Variants in AHNAK2 observed in about 807,000 individuals in gnomAD.
AHNAK2 encodes AHNAK nucleoprotein 2.
A neutral mutation model predicts 30.7 loss-of-function variants in AHNAK2; 18 were observed. The observed-to-expected ratio is 0.59, with a 90% CI of 0.41 to 0.87. The LOEUF (loss-of-function observed/expected upper bound fraction) is 0.87, where lower values mean the gene tolerates loss of function less well. Among genes scored for constraint, AHNAK2 ranks in the 40% least tolerant of loss-of-function variants. The pLI is 0.00. For missense variants in AHNAK2, 8,604 were observed against 7,373.0 expected (o/e 1.17, Z -6.11); for synonymous variants, 3,590 against 3,073.8 (o/e 1.17, Z -5.56).
chr14:104,938,972 G>A lies in AHNAK2; in HGVS notation c.16479C>T (p.Pro5493=), dbSNP rs762970824. The change falls in exon 7 of 7, where the codon CCC becomes CCT. Residue 5493 remains proline, a synonymous_variant. Transcript: ENST00000333244. ...GCACAATCTGAGTGGAAAAAGTCCT[G>A]GGTACTGAGAGATCTACAAACTCTG... ...VTPEFVDLSV[P]RTFSTQIVRE... is the part of the protein sequence containing the mutation. 2 of 1,612,940 alleles carry A rather than the reference G, an allele frequency of 1.2e-6. No individual in the cohort carries two copies. Among genetic ancestry groups the A allele is most frequent in the South Asian group, 2.2e-5 (2 of 90,902 alleles).
In AHNAK2 at chr14:104,949,782, T is replaced by C. The variant is rs1898558076; in HGVS notation, c.5669A>G (p.Lys1890Arg). 6.3e-7 allele frequency: 1 copy of C among 1,587,260 alleles called. No homozygotes were observed. Among genetic ancestry groups the C allele is most frequent in the African/African-American group, 1.4e-5 (1 of 72,448 alleles). ...LVVQAGQVDM[K>R]LPEGQVPEGA... ...CTCGGGCACCTGGCCCTCCGGGAGCTTCATGTCCACTTGGCCAGCCTGGAC... is the reference window on the plus strand; with the variant it reads ...CTCGGGCACCTGGCCCTCCGGGAGCCTCATGTCCACTTGGCCAGCCTGGAC... The change falls in exon 7 of 7, where the codon AAG (lysine) becomes AGG (arginine). Residue 1890 changes from lysine (K) to arginine (R), a missense_variant. By Grantham distance (26) the Lys-to-Arg change is conservative (BLOSUM62 2). Coordinates refer to ENST00000333244, the MANE Select transcript of AHNAK2 (RefSeq NM_138420.4).
chr14:104,955,194 T>C, intron 5 of AHNAK2, 53 bp from the exon 6 acceptor site: 2 of 1,550,644 alleles, frequency 1.3e-6, no homozygotes, highest in South Asian at 2.4e-5. Context: ...AGACGGGGTC[T>C]GCTGTCTTGC....
chr14:104,954,117 C>T lies in AHNAK2; in HGVS notation c.1334G>A (p.Gly445Glu), dbSNP rs1898893096. 1 of 1,612,118 alleles carries T rather than the reference C, an allele frequency of 6.2e-7. No homozygotes were observed. Among genetic ancestry groups the T allele is most frequent in the Admixed American group, 1.7e-5 (1 of 60,004 alleles). The change falls in exon 7 of 7, where the codon GGA becomes GAA. Residue 445 changes from glycine to glutamate, a missense_variant. Coordinates refer to ENST00000333244, the MANE Select transcript of AHNAK2 (RefSeq NM_138420.4). This position sits in a 1 kb window ranked among gnomAD's most constrained non-coding sequence, Gnocchi z 4.3. ...CTCGCCTTCACCCTCCCGGCTCATT[C>T]CAGGAGTTGGCTGGGCCCTGGGCTT... is the stretch of plus-strand genomic sequence containing the variant. Reference protein sequence around the residue: ...QRKPRAQPTPGMSREGEGEGL... With the variant: ...QRKPRAQPTPEMSREGEGEGL...
chr14:104,976,707 C>T (rs1421581647), intron 1 of AHNAK2, among the ~76,000 whole-genome samples: 1 of 152,226 alleles, frequency 6.6e-6, no homozygotes, highest in Non-Finnish European at 1.5e-5. Flanking sequence ...GCACAAGCCT[C>T]TGTGGAGGCA....
At position 104,971,389 on chromosome 14, in the gene AHNAK2, G is replaced by A. The variant is rs186064426; in HGVS notation, c.55+6794C>T. On this transcript the variant is annotated intron_variant, in intron 1 of 6. Transcript: ENST00000333244. ...CTTGGCCTCCCAAGTGGCTGGGGCT[G>A]CAGGCACACACCAGCACGCCTGGCT... is the stretch of plus-strand genomic sequence containing the variant. Among the ~76,000 whole-genome samples the A allele has an allele frequency of 1.8e-3, 270 of 152,216 alleles. 1 individual carries two copies. The highest frequency in any genetic ancestry group is 6.3e-3 in the African/African-American group (260 of 41,514).
rs1228824881 is a variant in AHNAK2 at position 104,948,073 on chromosome 14, G to A, written c.7378C>T (p.Leu2460=). ...EVDVEAPGAK[L]DGAWLEGDLS... Reference sequence around the variant, plus strand: ...TCCCCCTCCAGCCACGCACCATCCAGCTTGGCTCCCGGGGCCTCGACATCC... The same window carrying A: ...TCCCCCTCCAGCCACGCACCATCCAACTTGGCTCCCGGGGCCTCGACATCC... The change falls in exon 7 of 7, where the codon CTG becomes TTG. Residue 2460 remains leucine (L), a synonymous_variant. Transcript: ENST00000333244. The A allele has an allele frequency of 1.9e-6, 3 of 1,612,950 alleles. No homozygotes were observed. The highest frequency in any genetic ancestry group is 2.2e-5 in the East Asian group (1 of 44,824).
At chr14:104,967,831 C>T (rs1001260821) in intron 1 of AHNAK2, among the ~76,000 whole-genome samples, 2 of 152,160 alleles carry the variant, frequency 1.3e-5, no homozygotes, top group African/African-American at 2.4e-5. Context: ...CCGCGCCAGT[C>T]GGGAGAGAGA....
rs750099476 is a variant in AHNAK2, at chr14:104,947,418, A to G, written c.8033T>C (p.Val2678Ala). The G allele has an allele frequency of 1.1e-5, 18 of 1,612,060 alleles. No individual in the cohort carries two copies. In the African/African-American group the frequency reaches 2.2e-4, roughly 19 times the overall value. ...GGAGGGGAGGCTCATGTCGGCTTCC[A>G]CCTTCAGCTCAGACACATCCACCAA... ...EALVDVSELK[V>A]EADMSLPSMQ... The change falls in exon 7 of 7, where the codon GTG becomes GCG. Residue 2678 changes from valine to alanine, a missense_variant. Physicochemically the swap from Val to Ala is moderately conservative, Grantham distance 64. Coordinates refer to ENST00000333244, the MANE Select transcript of AHNAK2 (RefSeq NM_138420.4).
chr14:104,963,646 C>A (rs1278174959), intron 1 of AHNAK2, among the ~76,000 whole-genome samples: 3 of 151,950 alleles, frequency 2.0e-5, no homozygotes, highest in African/African-American at 2.4e-5. Flanking sequence ...CTGGCTAACA[C>A]GGTGAAACCC....
chr14:104,953,933 C>G lies in AHNAK2; in HGVS notation c.1518G>C (p.Arg506Ser). 1 of 1,613,962 alleles carries G rather than the reference C, an allele frequency of 6.2e-7. No homozygotes were observed. The highest frequency in any genetic ancestry group is 8.5e-7 in the Non-Finnish European group (1 of 1,179,884). ...FSTEKEPERERRLSTPQRGKR... is the reference protein window; with the variant it reads ...FSTEKEPERESRLSTPQRGKR... The stretch of plus-strand genomic sequence containing the variant: ...TCCCTCGCTGTGGGGTACTAAGGCG[C>G]CTTTCTCTTTCTGGCTCTTTTTCTG... Residue 506 changes from arginine (R) to serine (S), a missense_variant, in exon 7 of 7, where the codon AGG (arginine) becomes AGC (serine). By Grantham distance (110) the Arg-to-Ser change is moderately radical. Coordinates refer to ENST00000333244, the MANE Select transcript of AHNAK2 (RefSeq NM_138420.4).
chr14:104,959,955 A>G (rs1899089550), intron 1 of AHNAK2, among the ~76,000 whole-genome samples: 1 of 152,248 alleles, frequency 6.6e-6, no homozygotes, highest in African/African-American at 2.4e-5. Flanking sequence ...AATATAGTGG[A>G]TATTTTAAGC....
At position 104,946,897 on chromosome 14, in the gene AHNAK2, T is replaced by G. The variant is rs1398909356; in HGVS notation, c.8554A>C (p.Met2852Leu). 12 of 1,612,522 alleles carry G rather than the reference T, an allele frequency of 7.4e-6. No homozygotes were observed. The highest frequency in any genetic ancestry group is 1.0e-5 in the Non-Finnish European group (12 of 1,179,644). ...TCAGTGGTCTTAAGATCCCCTTGCA[T>G]GGAGGGGAAGCTCCCGTCAGCTTCC... ...KVEADGSFPS[M>L]QGDLKTTDIR... The change falls in exon 7 of 7, where the codon ATG (methionine) becomes CTG (leucine). Residue 2852 changes from methionine to leucine, a missense_variant. Coordinates refer to ENST00000333244, the MANE Select transcript of AHNAK2 (RefSeq NM_138420.4).
rs368922417 is a variant in AHNAK2 at position 104,948,521 on chromosome 14, G to T, written c.6930C>A (p.Asp2310Glu). ...LEGDMSLADK[D>E]VTAKDSKFKM... is the part of the protein sequence containing the mutation. Reference sequence around the variant, plus strand: ...TGAACTTGCTGTCTTTGGCAGTCACGTCCTTGTCGGCCAGGGACATGTCCC... The same window carrying T: ...TGAACTTGCTGTCTTTGGCAGTCACTTCCTTGTCGGCCAGGGACATGTCCC... The change falls in exon 7 of 7, where the codon GAC becomes GAA. Residue 2310 changes from aspartate to glutamate, a missense_variant. By Grantham distance (45) the Asp-to-Glu change is conservative. Transcript: ENST00000333244. The T allele has an allele frequency of 1.9e-6, 3 of 1,610,132 alleles. No homozygotes were observed. The highest frequency in any genetic ancestry group is 2.2e-5 in the South Asian group (2 of 90,962).
Position 104,940,425 on chromosome 14 carries a change from C to G in AHNAK2, c.15026G>C (p.Arg5009Thr), listed in dbSNP as rs779863555. The change falls in exon 7 of 7, where the codon AGG becomes ACG. Residue 5009 changes from arginine (R) to threonine (T), a missense_variant. By Grantham distance (71) the Arg-to-Thr change is moderately conservative. Coordinates refer to ENST00000333244, the MANE Select transcript of AHNAK2 (RefSeq NM_138420.4). This position sits in a 1 kb window ranked among gnomAD's most constrained non-coding sequence, Gnocchi z 4.4. ...TGTGCTCCTCCCCTTCTCTCCATCC[C>G]TCTCAGGAGGCAGATCCATGTGGAT... is the stretch of plus-strand genomic sequence containing the variant. ...SAIHMDLPPE[R>T]DGEKGRSTKP... 3 of 1,613,950 alleles carry G rather than the reference C, an allele frequency of 1.9e-6. No homozygotes were observed. Among genetic ancestry groups the G allele is most frequent in the Non-Finnish European group, 2.5e-6 (3 of 1,179,904 alleles).
At chr14:104,955,414 A>G in intron 5 of AHNAK2, 69 bp downstream of exon 5, 1 of 1,532,212 alleles carries the variant, frequency 6.5e-7, no homozygotes. Context: ...ACCCCTCAAT[A>G]CCCCCCTCCA....
rs766356371 is a variant in AHNAK2 at position 104,949,752 on chromosome 14, G to A, written c.5699C>T (p.Ala1900Val). Reference sequence around the variant, plus strand: ...CTTGGGCAAGTGCCCTTTGAGGCCGGCTCCCTCGGGCACCTGGCCCTCCGG... The same window carrying A: ...CTTGGGCAAGTGCCCTTTGAGGCCGACTCCCTCGGGCACCTGGCCCTCCGG... ...KLPEGQVPEG[A>V]GLKGHLPKVD... Residue 1900 changes from alanine to valine, a missense_variant, in exon 7 of 7, where the codon GCC becomes GTC. Coordinates refer to ENST00000333244, the MANE Select transcript of AHNAK2 (RefSeq NM_138420.4). 3 of 1,587,404 alleles carry A rather than the reference G, an allele frequency of 1.9e-6. No homozygotes were observed. Among genetic ancestry groups the A allele is most frequent in the South Asian group, 1.1e-5 (1 of 89,920 alleles).
In AHNAK2 at chr14:104,978,218, A is replaced by G. The variant is rs1247369490; in HGVS notation, c.20T>C (p.Met7Thr). 3 of 1,180,672 alleles carry G rather than the reference A, an allele frequency of 2.5e-6. No homozygotes were observed. Among genetic ancestry groups the G allele is most frequent in the Admixed American group, 4.3e-5 (1 of 23,238 alleles). 73.1% of individuals were successfully genotyped at this position (1,180,672 alleles called of 1,614,324 possible). A position where few individuals can be genotyped will look rare whatever the true frequency, so the allele number is the denominator to read the frequency against. ...GGTTCCGGGCCAGGTGGGCAGCACC[A>G]TGTGGAAGCAGTCGCACATCGCGGC... The part of the protein sequence containing the change: MCDCFH[M>T]VLPTWPGTPG... Residue 7 changes from methionine (M) to threonine (T), a missense_variant, in exon 1 of 7, where the codon ATG becomes ACG. Met to Thr is a moderately conservative substitution (Grantham distance 81). Coordinates refer to ENST00000333244, the MANE Select transcript of AHNAK2 (RefSeq NM_138420.4).
chr14:104,946,980 C>T lies in AHNAK2; in HGVS notation c.8471G>A (p.Gly2824Glu), dbSNP rs190953354. 5 of 1,612,814 alleles carry T rather than the reference C, an allele frequency of 3.1e-6. No homozygotes were observed. The Admixed American group carries it at 6.7e-5, about 22-fold the overall frequency. ...GATGGACTTGCCTGGGGCCGACACCCCGAATGACGGCATCTTGAACTTGGG... is the reference window on the plus strand; with the variant it reads ...GATGGACTTGCCTGGGGCCGACACCTCGAATGACGGCATCTTGAACTTGGG... The part of the protein sequence containing the change: ...KMPKFKMPSF[G>E]VSAPGKSIEA... Residue 2824 changes from glycine to glutamate, a missense_variant, in exon 7 of 7, where the codon GGG becomes GAG. Gly to Glu is a moderately conservative substitution (Grantham distance 98). Transcript: ENST00000333244.
chr14:104,949,404 G>A lies in AHNAK2; in HGVS notation c.6047C>T (p.Pro2016Leu), dbSNP rs1328688739. Reference protein sequence around the residue: ...SIEASVDVPAPKVEADVSLPS... With the variant: ...SIEASVDVPALKVEADVSLPS... ...GAGACTCACGTCGGCCTCCACCTTG[G>A]GTGCAGGCACATCCACCGAGGCCTC... Residue 2016 changes from proline to leucine, a missense_variant, in exon 7 of 7, where the codon CCC (proline) becomes CTC (leucine). Transcript: ENST00000333244. 5.7e-6 allele frequency: 9 copies of A among 1,581,972 alleles called. No homozygotes were observed. The highest frequency in any genetic ancestry group is 2.7e-5 in the African/African-American group (2 of 73,018).
Sources: gnomAD v4.1 joint callset for allele counts (sites outside exome capture counted in the v4.1 genomes callset) on GRCh38, gnomAD v4.1.1 for gene constraint, Gnocchi (gnomAD v3.1) non-coding constraint, MANE v1.5 for transcripts, NCBI Gene and HGNC (gene_info 2026-07-23, HGNC 2026-07-21) for gene names.